Variants in RNGTT observed in about 807,000 individuals in gnomAD.
RNGTT encodes mRNA-capping enzyme.
RNGTT carries 33 observed loss-of-function variants against 79.3 expected under a neutral mutation model. The ratio of observed to expected loss-of-function variants is 0.42; its 90% confidence interval spans 0.32 to 0.56. The LOEUF (loss-of-function observed/expected upper bound fraction) is 0.56, where lower values mean the gene tolerates loss of function less well. Among genes scored for constraint, RNGTT ranks in the 20% least tolerant of loss-of-function variants. The pLI is 0.17. For missense variants in RNGTT, 497 were observed against 739.1 expected, an observed-to-expected ratio of 0.67 and a Z score of 3.80; for synonymous variants, 222 against 235.9, an observed-to-expected ratio of 0.94 and a Z score of 0.54.
intron 13 of RNGTT, among the ~76,000 whole-genome samples, chr6:88,679,398 T>C (rs949773525): frequency 3.4e-4 from 52 of 152,162 alleles, no homozygotes; most frequent in African/African-American, 1.1e-3. Context: ...GGCACAAGTA[T>C]GGACAGAGTA....
chr6:88,868,693 A>T (rs1782256387), intron 8 of RNGTT, among the ~76,000 whole-genome samples: 1 of 152,170 alleles, frequency 6.6e-6, no homozygotes. Context: ...TCTTTTCTTA[A>T]ATACACACAA....
In RNGTT at chr6:88,708,787, C is replaced by T. The variant is rs558906983; in HGVS notation, c.1440-30368G>A. 9.9e-5 allele frequency among the ~76,000 whole-genome samples: 15 copies of T among 152,010 alleles called. No individual in the cohort carries two copies. The South Asian group carries it at 2.3e-3, about 23-fold the overall frequency. ...TTTTAATTTTCCCTGTTGTTGTATA[C>T]GTTTTCCAGTAAGAAAAGGGGTTTT... On this transcript the variant is annotated intron_variant, in intron 13 of 15. Coordinates refer to ENST00000369485, the MANE Select transcript of RNGTT (RefSeq NM_003800.5).
intron 4 of RNGTT, among the ~76,000 whole-genome samples, chr6:88,909,230 G>C (rs1783755432): frequency 6.6e-6 from 1 of 152,184 alleles, no homozygotes; most frequent in South Asian, 2.1e-4. Context: ...TTTGAGACAA[G>C]CCTGGCCAGT....
intron 11 of RNGTT, among the ~76,000 whole-genome samples, chr6:88,816,055 A>G (rs1386996432): frequency 6.6e-6 from 1 of 152,248 alleles, no homozygotes; most frequent in Non-Finnish European, 1.5e-5. Context: ...GTTGTATGAA[A>G]TATATTGTGA....
intron 8 of RNGTT, among the ~76,000 whole-genome samples, chr6:88,872,836 G>A (rs983297712): frequency 1.9e-4 from 29 of 152,172 alleles, no homozygotes; most frequent in African/African-American, 6.3e-4. Context: ...AGGATTCACA[G>A]ATGGAGGTGC....
rs570749832 is a variant in RNGTT at position 88,912,929 on chromosome 6, G to A, written c.368-6489C>T. On this transcript the variant is annotated intron_variant, in intron 4 of 15. Transcript: ENST00000369485. ...CCAACCCCAAAAAAGCCCTAGTCAG[G>A]CACAGTGGCTCACACCTATAATCCC... 4.3e-4 allele frequency among the ~76,000 whole-genome samples: 66 copies of A among 152,226 alleles called. 1 individual carries two copies. Among genetic ancestry groups the A allele is most frequent in the Admixed American group, 2.7e-3 (42 of 15,286 alleles).
chr6:88,709,560 AT>A (rs1776252791), intron 13 of RNGTT, among the ~76,000 whole-genome samples: 4 of 152,320 alleles, frequency 2.6e-5, no homozygotes, highest in Admixed American at 2.6e-4. Flanking sequence ...ATAATTTTAG[AT>A]TTTGTAGTAG....
intron 14 of RNGTT, among the ~76,000 whole-genome samples, chr6:88,625,193 C>G (rs1582247211): frequency 6.6e-6 from 1 of 151,952 alleles, no homozygotes; most frequent in East Asian, 1.9e-4. Context: ...GTCAAACATA[C>G]ATTTACCATA....
At chr6:88,791,949 T>C (rs1387086194) in intron 12 of RNGTT, among the ~76,000 whole-genome samples, 1 of 152,212 alleles carries the variant, frequency 6.6e-6, no homozygotes, top group African/African-American at 2.4e-5. Context: ...TTATAACAAA[T>C]GGTACACCAT....
chr6:88,725,975 G>A (rs1013426314), intron 13 of RNGTT, among the ~76,000 whole-genome samples: 1 of 151,776 alleles, frequency 6.6e-6, no homozygotes, highest in African/African-American at 2.4e-5. Context: ...GAGAGAGACA[G>A]GCGGAGAGAT....
chr6:88,890,446 C>A, intron 8 of RNGTT, 49 bp downstream of exon 8: 1 of 1,148,482 alleles, frequency 8.7e-7, no homozygotes, highest in Non-Finnish European at 1.3e-6. Flanking sequence ...AAACAATATT[C>A]TTCAAGCATT....
intron 13 of RNGTT, 53 bp downstream of exon 13, chr6:88,769,721 G>A (rs547261037): frequency 2.8e-6 from 3 of 1,055,742 alleles, no homozygotes; most frequent in South Asian, 2.8e-5. Context: ...AAAAGGTGAA[G>A]CCTTACACAA....
chr6:88,616,526 A>T (rs576978980), intron 14 of RNGTT, among the ~76,000 whole-genome samples: 44 of 151,206 alleles, frequency 2.9e-4, no homozygotes, highest in East Asian at 9.7e-4. Flanking sequence ...TTTTTTTTTA[A>T]AAAAAATTGA....
intron 4 of RNGTT, among the ~76,000 whole-genome samples, chr6:88,924,785 G>A (rs1046621402): frequency 6.8e-6 from 1 of 147,668 alleles, no homozygotes; most frequent in African/African-American, 2.5e-5. Flanking sequence ...GAGTGCAGGT[G>A]TGATCATACC....
At chr6:88,712,247 T>C (rs1776344059) in intron 13 of RNGTT, among the ~76,000 whole-genome samples, 1 of 152,202 alleles carries the variant, frequency 6.6e-6, no homozygotes, top group East Asian at 1.9e-4. Flanking sequence ...TCAAATACTA[T>C]GGGACTTCAA....
At chr6:88,678,896 A>G (rs781340863) in intron 13 of RNGTT, among the ~76,000 whole-genome samples, 1 of 152,174 alleles carries the variant, frequency 6.6e-6, no homozygotes, top group African/African-American at 2.4e-5. Context: ...GAATAACACA[A>G]GTTTGAACAG....
intron 8 of RNGTT, among the ~76,000 whole-genome samples, chr6:88,863,744 T>C (rs1016563703): frequency 8.5e-5 from 13 of 152,134 alleles, no homozygotes; most frequent in African/African-American, 3.1e-4. Flanking sequence ...ATACCAAGTG[T>C]AAGGAAGGAG....
At chr6:88,881,048 C>G (rs1259602837) in intron 8 of RNGTT, among the ~76,000 whole-genome samples, 1 of 152,124 alleles carries the variant, frequency 6.6e-6, no homozygotes, top group Non-Finnish European at 1.5e-5. Context: ...ACTGACTCCC[C>G]CCTCCTGGGG....
chr6:88,948,587 G>A lies in RNGTT; in HGVS notation c.65-7407C>T, dbSNP rs1294268992. 8.9e-5 allele frequency among the ~76,000 whole-genome samples: 13 copies of A among 146,638 alleles called. No homozygotes were observed. The South Asian group carries it at 1.8e-3, about 20-fold the overall frequency. Reference sequence around the variant, plus strand: ...TGGGAAGTGAGTAGCCCCTCTGCCCGGCCACCACCCCGTCTGGGAGGTGTG... The same window carrying A: ...TGGGAAGTGAGTAGCCCCTCTGCCCAGCCACCACCCCGTCTGGGAGGTGTG... On this transcript the variant is annotated intron_variant, in intron 1 of 15. Coordinates refer to ENST00000369485, the MANE Select transcript of RNGTT (RefSeq NM_003800.5).
Sources: gnomAD v4.1 joint callset for allele counts (sites outside exome capture counted in the v4.1 genomes callset) on GRCh38, gnomAD v4.1.1 for gene constraint, MANE v1.5 for transcripts, NCBI Gene and HGNC (gene_info 2026-07-23, HGNC 2026-07-21) for gene names.